Variants in SMCP observed in about 807,000 individuals in gnomAD.
SMCP encodes sperm mitochondrial-associated cysteine-rich protein.
For synonymous variants in SMCP, 41 were observed against 46.9 expected (o/e 0.87, Z 0.51); for missense variants, 137 against 137.1 (o/e 1.00, Z 0.01).
intron 1 of SMCP, among the ~76,000 whole-genome samples, chr1:152,882,160 A>C (rs1050452707): frequency 6.6e-6 from 1 of 152,040 alleles, no homozygotes; most frequent in Non-Finnish European, 1.5e-5. Flanking sequence ...TTGTAGAGAC[A>C]GGGTTTCACC....
chr1:152,884,717 T>C lies in SMCP; in HGVS notation c.295T>C (p.Cys99Arg). The C allele has an allele frequency of 6.2e-7, 1 of 1,614,184 alleles. No individual in the cohort carries two copies. Among genetic ancestry groups the C allele is most frequent in the Non-Finnish European group, 8.5e-7 (1 of 1,180,036 alleles). The change falls in exon 2 of 2, where the codon TGT (cysteine) becomes CGT (arginine). Residue 99 changes from cysteine to arginine, a missense_variant. Coordinates refer to ENST00000368765, the MANE Select transcript of SMCP (RefSeq NM_030663.3). Reference sequence around the variant, plus strand: ...CTCACCGCAAACTCAGGACAAGGGCTGTCAAACCCAGCAGCAGCCCCATAG... The same window carrying C: ...CTCACCGCAAACTCAGGACAAGGGCCGTCAAACCCAGCAGCAGCCCCATAG... Reference protein sequence around the residue: ...PNSPQTQDKGCQTQQQPHSPQ... With the variant: ...PNSPQTQDKGRQTQQQPHSPQ...
At chr1:152,882,659 GCACACA>G (rs143397836) in intron 1 of SMCP, among the ~76,000 whole-genome samples, 5 of 149,988 alleles carry the variant, frequency 3.3e-5, no homozygotes, top group Admixed American at 6.6e-5. Context: ...GCACTTAGGT[GCACACA>G]CACACACACA....
chr1:152,880,696 T>C (rs1649005446), intron 1 of SMCP, among the ~76,000 whole-genome samples: 1 of 152,084 alleles, frequency 6.6e-6, no homozygotes, highest in South Asian at 2.1e-4. Context: ...AGGGGCCTTT[T>C]CCTGAAAGAT....
rs1231248650 is a variant in SMCP at position 152,884,887 on chromosome 1, GTGAC to G, written c.*116_*119del. 1 of 911,620 alleles carries G rather than the reference GTGAC, an allele frequency of 1.1e-6. No homozygotes were observed. Among genetic ancestry groups the G allele is most frequent in the African/African-American group, 1.7e-5 (1 of 59,382 alleles). The allele number at this position is 911,620 out of a possible 1,614,324, so 56.5% of individuals were successfully genotyped here. A position where few individuals can be genotyped will look rare whatever the true frequency, so the allele number is the denominator to read the frequency against. The stretch of plus-strand genomic sequence containing the variant: ...TGTGTTTAGAGAAGCAGTTTTCACA[GTGAC>G]TACCATTTCCACCCAATGAGAGGCT... On this transcript the variant is annotated 3_prime_UTR_variant, in exon 2 of 2. Coordinates refer to ENST00000368765, the MANE Select transcript of SMCP (RefSeq NM_030663.3).
Position 152,884,741 on chromosome 1 carries a change from A to T in SMCP, c.319A>T (p.Ser107Cys), listed in dbSNP as rs780349574. 7.4e-6 allele frequency: 12 copies of T among 1,614,116 alleles called. No homozygotes were observed. In the East Asian group the frequency reaches 2.5e-4, roughly 33 times the overall value. ...CTGTCAAACCCAGCAGCAGCCCCAT[A>T]GCCCACAAAATGAGTCCAGGCCAAG... is the stretch of plus-strand genomic sequence containing the variant. ...KGCQTQQQPH[S>C]PQNESRPSK The change falls in exon 2 of 2, where the codon AGC (serine) becomes TGC (cysteine). Residue 107 changes from serine to cysteine, a missense_variant. Transcript: ENST00000368765.
chr1:152,880,352 G>A (rs1329974312), intron 1 of SMCP, among the ~76,000 whole-genome samples: 4 of 152,140 alleles, frequency 2.6e-5, no homozygotes, highest in Non-Finnish European at 4.4e-5. Flanking sequence ...CCAAGTGTGT[G>A]CTTGTGTGTG....
In SMCP at chr1:152,884,481, C is replaced by T. The variant is rs1315948861; in HGVS notation, c.59C>T (p.Pro20Leu). ...CCAGCAAAAGGCAATCAATGCTGCC[C>T]ACCACAGCAGAACCAGTGCTGCCAG... ...CCPAKGNQCC[P>L]PQQNQCCQSK... Residue 20 changes from proline to leucine, a missense_variant, in exon 2 of 2, where the codon CCA (proline) becomes CTA (leucine). Transcript: ENST00000368765. 12 of 1,613,854 alleles carry T rather than the reference C, an allele frequency of 7.4e-6. No individual in the cohort carries two copies. The highest frequency in any genetic ancestry group is 9.3e-6 in the Non-Finnish European group (11 of 1,179,912).
Position 152,882,479 on chromosome 1 carries a change from G to C in SMCP, c.-20-1924G>C, listed in dbSNP as rs187743479. Among the ~76,000 whole-genome samples the C allele has an allele frequency of 1.1e-4, 16 of 152,328 alleles. No homozygotes were observed. In the East Asian group the frequency reaches 2.3e-3, roughly 22 times the overall value. ...CAAGTAGGGAGCACCCAGCAGGAGA[G>C]AGAAGGCCAGGACAGAGGCTGGCCC... On this transcript the variant is annotated intron_variant, in intron 1 of 1. Transcript: ENST00000368765.
intron 1 of SMCP, among the ~76,000 whole-genome samples, chr1:152,883,758 A>G (rs971433821): frequency 6.6e-6 from 1 of 152,184 alleles, no homozygotes; most frequent in Non-Finnish European, 1.5e-5. Context: ...AAGTCCTGCC[A>G]TGCCAAGAGC....
intron 1 of SMCP, among the ~76,000 whole-genome samples, chr1:152,883,425 G>A (rs182332700): frequency 6.6e-5 from 10 of 152,322 alleles, no homozygotes; most frequent in East Asian, 1.9e-4. Flanking sequence ...GGACCAGGGC[G>A]GAAACCATTA....
At chr1:152,880,661 T>C (rs16834728) in intron 1 of SMCP, among the ~76,000 whole-genome samples, 28,969 of 152,032 alleles carry the variant, frequency 0.19, 5,009 homozygotes, top group East Asian at 0.56. Context: ...GTCTTTGCTC[T>C]AGTGTCTTCC....
In SMCP at chr1:152,884,587, C is replaced by A. The variant is rs1557858429; in HGVS notation, c.165C>A (p.His55Gln). Residue 55 changes from histidine to glutamine, a missense_variant, in exon 2 of 2, where the codon CAC (histidine) becomes CAA (glutamine). His to Gln is a conservative substitution (Grantham distance 24). Transcript: ENST00000368765. ...PKGSQCCPPK[H>Q]NHCCQPKPPC... Reference sequence around the variant, plus strand: ...GCAGTCAATGCTGCCCACCAAAACACAATCACTGCTGCCAGCCAAAACCCC... The same window carrying A: ...GCAGTCAATGCTGCCCACCAAAACAAAATCACTGCTGCCAGCCAAAACCCC... 3 of 1,614,152 alleles carry A rather than the reference C, an allele frequency of 1.9e-6. No individual in the cohort carries two copies. Among genetic ancestry groups the A allele is most frequent in the South Asian group, 1.1e-5 (1 of 91,064 alleles).
intron 1 of SMCP, among the ~76,000 whole-genome samples, chr1:152,880,722 A>C (rs1407217291): frequency 1.3e-5 from 2 of 152,078 alleles, no homozygotes; most frequent in Non-Finnish European, 2.9e-5. Context: ...GAATCCAGGA[A>C]TAACTGGCAG....
chr1:152,880,259 A>C (rs1648992429), intron 1 of SMCP, among the ~76,000 whole-genome samples: 1 of 152,314 alleles, frequency 6.6e-6, no homozygotes, highest in African/African-American at 2.4e-5. Context: ...GCAGATTCAA[A>C]CAACAAGGAG....
chr1:152,884,740 T>G lies in SMCP; in HGVS notation c.318T>G (p.His106Gln). The change falls in exon 2 of 2, where the codon CAT becomes CAG. Residue 106 changes from histidine (H) to glutamine (Q), a missense_variant. Coordinates refer to ENST00000368765, the MANE Select transcript of SMCP (RefSeq NM_030663.3). ...DKGCQTQQQPHSPQNESRPSK is the reference protein window; with the variant it reads ...DKGCQTQQQPQSPQNESRPSK ...GCTGTCAAACCCAGCAGCAGCCCCA[T>G]AGCCCACAAAATGAGTCCAGGCCAA... The G allele has an allele frequency of 6.2e-7, 1 of 1,614,156 alleles. No homozygotes were observed. Among genetic ancestry groups the G allele is most frequent in the Non-Finnish European group, 8.5e-7 (1 of 1,180,020 alleles).
chr1:152,882,343 C>T (rs1408094484), intron 1 of SMCP, among the ~76,000 whole-genome samples: 1 of 152,118 alleles, frequency 6.6e-6, no homozygotes, highest in African/African-American at 2.4e-5. Flanking sequence ...ATCTACAGGA[C>T]ACAAAAGAAG....
chr1:152,882,999 G>T (rs916282684), intron 1 of SMCP, among the ~76,000 whole-genome samples: 6 of 152,198 alleles, frequency 3.9e-5, no homozygotes, highest in Non-Finnish European at 8.8e-5. Flanking sequence ...AGCTGAGATC[G>T]CACCATTGCA....
chr1:152,880,365 T>A (rs1648996316), intron 1 of SMCP, among the ~76,000 whole-genome samples: 1 of 152,130 alleles, frequency 6.6e-6, no homozygotes, highest in South Asian at 2.1e-4. Flanking sequence ...TGTGTGTGCG[T>A]GTGGACACAC....
intron 1 of SMCP, among the ~76,000 whole-genome samples, chr1:152,879,804 A>G (rs1039052421): frequency 1.3e-5 from 2 of 152,166 alleles, no homozygotes; most frequent in African/African-American, 4.8e-5. Flanking sequence ...TTCAGGACCT[A>G]TTCCCAGGAT....
Sources: gnomAD v4.1 joint callset for allele counts (sites outside exome capture counted in the v4.1 genomes callset) on GRCh38, gnomAD v4.1.1 for gene constraint, MANE v1.5 for transcripts, NCBI Gene and HGNC (gene_info 2026-07-23, HGNC 2026-07-21) for gene names.